Variants in CUX1 observed in about 807,000 individuals in gnomAD.
The protein encoded by CUX1 is cut like homeobox 1.
In CUX1, 31 loss-of-function variants were observed where a neutral mutation model predicts 158.8. The ratio of observed to expected loss-of-function variants is 0.20; its 90% CI spans 0.15 to 0.26. CUX1 has a LOEUF of 0.26. Among genes scored for constraint, CUX1 ranks in the 10% least tolerant of loss-of-function variants. The pLI, the probability that CUX1 is intolerant of heterozygous loss-of-function variation, is 1.00. For missense variants in CUX1, 1,589 were observed against 2,014.6 expected, an observed-to-expected ratio of 0.79 and a Z score of 4.04; for synonymous variants, 879 against 862.1, an observed-to-expected ratio of 1.02 and a Z score of -0.34.
intron 2 of CUX1, among the ~76,000 whole-genome samples, chr7:101,980,778 G>A (rs1585162142): frequency 6.6e-6 from 1 of 152,048 alleles, no homozygotes; most frequent in Non-Finnish European, 1.5e-5. Flanking sequence ...TGAAGGCCCC[G>A]AGAACCAGCC....
chr7:102,015,890 C>T (rs905392305), intron 2 of CUX1, among the ~76,000 whole-genome samples: 7 of 152,194 alleles, frequency 4.6e-5, no homozygotes, highest in Admixed American at 4.6e-4. Context: ...TCACGACTCA[C>T]TGCAGCCATG....
chr7:102,245,734 G>A (rs952013103), intron 23 of CUX1, among the ~76,000 whole-genome samples: 13 of 152,158 alleles, frequency 8.5e-5, no homozygotes, highest in South Asian at 2.1e-4. Flanking sequence ...CACTTTGGGA[G>A]GCCAAGGCAG....
In CUX1 at chr7:102,168,934, TTTTC is replaced by T. The variant is rs1554509664; in HGVS notation, c.724-1508_724-1505del. Among the ~76,000 whole-genome samples the T allele has an allele frequency of 1.1e-3, 73 of 67,220 alleles. 3 individuals are homozygous for T. The highest frequency in any genetic ancestry group is 3.7e-3 in the African/African-American group (55 of 14,820). The allele number at this position is 67,220 out of a possible 152,430, so 44.1% of individuals were successfully genotyped here. On this transcript the variant is annotated intron_variant, in intron 9 of 23. Coordinates refer to ENST00000292535, the MANE Select transcript of CUX1 (RefSeq NM_181552.4). ...TTTTATTTTCTTTTCTTTTCTTTTA[TTTTC>T]TTTTTTTTTTTGAGATGTGGTTTTG...
In CUX1 at chr7:101,952,732, C is replaced by G. The variant is rs887604065; in HGVS notation, c.141+36507C>G. On this transcript the variant is annotated intron_variant, in intron 2 of 23. Transcript: ENST00000292535. ...CCTTTTCTGCCGCCACCTTCTCCCC[C>G]ACTGCGCCATGCTGGTCTCAGCTCG... 8.5e-5 allele frequency among the ~76,000 whole-genome samples: 13 copies of G among 152,354 alleles called. No individual in the cohort carries two copies. In the East Asian group the frequency reaches 2.1e-3, roughly 25 times the overall value.
chr7:102,198,964 T>C, intron 16 of CUX1, 97 bp downstream of exon 16: 1 of 1,142,858 alleles, frequency 8.7e-7, no homozygotes, highest in Non-Finnish European at 1.3e-6. Context: ...AGTGTGATTC[T>C]GGCCTGGAAC....
rs1554519833 is a variant in CUX1, at chr7:102,201,688, G to A, written c.2391G>A (p.Gln797=). ...EAQDAPGLDP[Q]GAADCAQGVL... is the part of the protein sequence containing the mutation. ...AGGACGCCCCCGGGCTGGACCCCCA[G>A]GGAGCAGCCGATTGTGCACAAGGGG... is the stretch of plus-strand genomic sequence containing the variant. The change falls in exon 18 of 24, where the codon CAG becomes CAA. Residue 797 remains glutamine (Q), a synonymous_variant. Coordinates refer to ENST00000292535, the MANE Select transcript of CUX1 (RefSeq NM_181552.4). This position sits in a 1 kb window ranked among gnomAD's most constrained non-coding sequence, Gnocchi z 5.0. 26 of 1,612,602 alleles carry A rather than the reference G, an allele frequency of 1.6e-5. No homozygotes were observed. The highest frequency in any genetic ancestry group is 2.2e-5 in the Non-Finnish European group (26 of 1,179,864).
chr7:101,850,207 A>G (rs1796126760), intron 1 of CUX1, among the ~76,000 whole-genome samples: 1 of 152,044 alleles, frequency 6.6e-6, no homozygotes, highest in Non-Finnish European at 1.5e-5. Flanking sequence ...TACAAGTGTG[A>G]GCCACCATGC....
At chr7:102,100,171 A>G (rs546007434) in intron 5 of CUX1, among the ~76,000 whole-genome samples, 4 of 152,226 alleles carry the variant, frequency 2.6e-5, no homozygotes, top group African/African-American at 9.6e-5. Flanking sequence ...CCAGCTACTC[A>G]GAAGACTGAG....
chr7:102,215,037 T>C (rs1213261308), intron 20 of CUX1, among the ~76,000 whole-genome samples: 1 of 152,122 alleles, frequency 6.6e-6, no homozygotes, highest in African/African-American at 2.4e-5. Context: ...GCAGCACCTC[T>C]GAACCCAGGA....
intron 1 of CUX1, among the ~76,000 whole-genome samples, chr7:101,897,838 G>A (rs567876611): frequency 6.6e-6 from 1 of 152,298 alleles, no homozygotes; most frequent in South Asian, 2.1e-4. Context: ...AGGAACCTCT[G>A]TTCCTTGGAC....
At chr7:101,969,908 A>G (rs1427639573) in intron 2 of CUX1, among the ~76,000 whole-genome samples, 1 of 148,886 alleles carries the variant, frequency 6.7e-6, no homozygotes, top group Non-Finnish European at 1.5e-5. Context: ...AACGCGTATC[A>G]GGATTCCACG....
chr7:102,017,612 G>A (rs1818794115), intron 2 of CUX1, among the ~76,000 whole-genome samples: 2 of 152,088 alleles, frequency 1.3e-5, no homozygotes, highest in Admixed American at 1.3e-4. Flanking sequence ...TCGGTAGGCC[G>A]AGATGGGTGG....
chr7:102,272,105 G>A (rs528676482), intron 14 of CUX1, among the ~76,000 whole-genome samples: 1 of 152,372 alleles, frequency 6.6e-6, no homozygotes, highest in South Asian at 2.1e-4. Context: ...AGAGCTGGGG[G>A]TGGATGCCTT....
At chr7:101,846,538 G>A (rs1290488484) in intron 1 of CUX1, among the ~76,000 whole-genome samples, 1 of 152,006 alleles carries the variant, frequency 6.6e-6, no homozygotes, top group Non-Finnish European at 1.5e-5. Context: ...ATGTTGTTCA[G>A]GCTGGTCTTG....
At chr7:102,126,330 C>T (rs1186951347) in intron 8 of CUX1, among the ~76,000 whole-genome samples, 4 of 151,990 alleles carry the variant, frequency 2.6e-5, no homozygotes, top group South Asian at 4.2e-4. Flanking sequence ...TGAGGTACCA[C>T]GCCCGGCCCG....
At chr7:101,902,150 G>A (rs569612189) in intron 1 of CUX1, among the ~76,000 whole-genome samples, 4 of 152,302 alleles carry the variant, frequency 2.6e-5, no homozygotes, top group East Asian at 1.9e-4. Flanking sequence ...ATGGGGAAGA[G>A]ATGGTGGCAT....
At chr7:102,213,659 G>A (rs1796767908) in intron 20 of CUX1, among the ~76,000 whole-genome samples, 1 of 152,230 alleles carries the variant, frequency 6.6e-6, no homozygotes, top group African/African-American at 2.4e-5. Flanking sequence ...GCAAAAGTAG[G>A]TCATAGGAGC....
intron 19 of CUX1, 113 bp downstream of exon 19, chr7:102,204,669 T>C (rs1586203228): frequency 1.4e-6 from 2 of 1,390,116 alleles, no homozygotes; most frequent in Admixed American, 4.5e-5. Flanking sequence ...CCCCAGGAGG[T>C]GGCCAACCAC....
intron 8 of CUX1, among the ~76,000 whole-genome samples, chr7:102,116,873 T>C (rs1298629710): frequency 6.6e-6 from 1 of 152,112 alleles, no homozygotes; most frequent in African/African-American, 2.4e-5. Flanking sequence ...GGTTAGATGA[T>C]AGGCATGGCT....
Sources: allele counts gnomAD v4.1 joint callset (sites outside exome capture counted in the v4.1 genomes callset), GRCh38; gene constraint gnomAD v4.1.1; non-coding constraint Gnocchi (gnomAD v3.1); transcripts MANE v1.5; gene names NCBI Gene and HGNC (gene_info 2026-07-23, HGNC 2026-07-21).